The following TAOK3 variants were observed in gnomAD, a reference collection of about 807,000 sequenced individuals.
The protein encoded by TAOK3 is serine/threonine-protein kinase TAO3.
In TAOK3, 40 loss-of-function variants were observed where a neutral mutation model predicts 120.4. The ratio of observed to expected loss-of-function variants is 0.33; its 90% confidence interval spans 0.26 to 0.43. The LOEUF (loss-of-function observed/expected upper bound fraction) is 0.43. Among genes scored for constraint, TAOK3 ranks in the 20% least tolerant of loss-of-function variants. The pLI is 1.00. For missense variants in TAOK3, 821 were observed against 1,112.1 expected, an observed-to-expected ratio of 0.74 and a Z score of 3.72; for synonymous variants, 355 against 387.5, an observed-to-expected ratio of 0.92 and a Z score of 0.99.
At position 118,150,898 on chromosome 12, in the gene TAOK3, G is replaced by A; in HGVS notation, c.*99C>T. On this transcript the variant is annotated 3_prime_UTR_variant, in exon 21 of 21. Coordinates refer to ENST00000392533, the MANE Select transcript of TAOK3 (RefSeq NM_016281.4). ...AGAGTAAGAGAGAGAGAGAGTGAGA[G>A]CAACGCCCGTTAAAATGGGGAATGT... 1.7e-6 allele frequency: 2 copies of A among 1,191,970 alleles called. No individual in the cohort carries two copies. Among genetic ancestry groups the A allele is most frequent in the Non-Finnish European group, 2.3e-6 (2 of 861,480 alleles). The allele number at this position is 1,191,970 out of a possible 1,614,324, so 73.8% of individuals were successfully genotyped here.
intron 3 of TAOK3, among the ~76,000 whole-genome samples, chr12:118,250,704 C>A (rs1415886314): frequency 5.9e-5 from 9 of 152,018 alleles, no homozygotes; most frequent in African/African-American, 9.7e-5. Context: ...GGAGGATAGA[C>A]AATAACAAAA....
At chr12:118,340,417 C>T (rs760390390) in intron 1 of TAOK3, among the ~76,000 whole-genome samples, 1 of 152,086 alleles carries the variant, frequency 6.6e-6, no homozygotes, top group Non-Finnish European at 1.5e-5. Flanking sequence ...GCTCTTTTCT[C>T]ACAGCAGAGA....
chr12:118,205,860 C>G lies in TAOK3; in HGVS notation c.820-4397G>C, dbSNP rs138892222. ...TCCTGACCTTAGGTGATCCACCCAC[C>G]TCAGCCTCCCAAAGTGCTGGGATTA... On this transcript the variant is annotated intron_variant, in intron 11 of 20. Transcript: ENST00000392533. Among the ~76,000 whole-genome samples the G allele has an allele frequency of 1.8e-3, 271 of 152,196 alleles. 1 individual carries two copies. Among genetic ancestry groups the G allele is most frequent in the Middle Eastern group, 0.014 (4 of 290 alleles).
intron 14 of TAOK3, 31 bp downstream of exon 14, chr12:118,189,767 GGGGAAGGAA>G: frequency 2.5e-6 from 4 of 1,611,740 alleles, no homozygotes; most frequent in Non-Finnish European, 3.4e-6. Context: ...ATGGGGAGGA[GGGGAAGGAA>G]GGGAAGGTGG....
At chr12:118,189,529 GACACAGACACACAC>G (rs1443981293) in intron 14 of TAOK3, among the ~76,000 whole-genome samples, 11 of 83,336 alleles carry the variant, frequency 1.3e-4, no homozygotes, top group African/African-American at 4.1e-4. Flanking sequence ...AACACACACA[GACACAGACACACAC>G]ACACACACAC....
At chr12:118,332,603 T>C (rs1293722136) in intron 1 of TAOK3, among the ~76,000 whole-genome samples, 1 of 152,210 alleles carries the variant, frequency 6.6e-6, no homozygotes, top group Non-Finnish European at 1.5e-5. Flanking sequence ...CTGCATTCTT[T>C]CCTTAGGATA....
intron 1 of TAOK3, among the ~76,000 whole-genome samples, chr12:118,292,637 G>A (rs902863908): frequency 6.6e-6 from 1 of 152,168 alleles, no homozygotes; most frequent in Non-Finnish European, 1.5e-5. Context: ...CTAATCTCAA[G>A]CCCAGTCTTT....
intron 1 of TAOK3, among the ~76,000 whole-genome samples, chr12:118,317,993 A>G (rs919754960): frequency 2.0e-5 from 3 of 152,136 alleles, no homozygotes; most frequent in African/African-American, 7.2e-5. Flanking sequence ...GATTTTCAAC[A>G]AGGGTGCCAA....
intron 19 of TAOK3, among the ~76,000 whole-genome samples, chr12:118,159,568 T>A (rs2035081894): frequency 6.6e-6 from 1 of 152,214 alleles, no homozygotes; most frequent in Non-Finnish European, 1.5e-5. Flanking sequence ...CCCAAAATGC[T>A]GGGATTACAG....
chr12:118,226,977 C>G (rs2039539735), intron 9 of TAOK3, among the ~76,000 whole-genome samples: 1 of 151,852 alleles, frequency 6.6e-6, no homozygotes, highest in Non-Finnish European at 1.5e-5. Context: ...GATCTTGAAT[C>G]ATCATAAAAG....
intron 1 of TAOK3, among the ~76,000 whole-genome samples, chr12:118,331,774 G>T (rs1311505320): frequency 6.7e-6 from 1 of 149,120 alleles, no homozygotes; most frequent in Non-Finnish European, 1.5e-5. Context: ...ATAAATAAAA[G>T]CATTTTGAAA....
At chr12:118,288,437 C>T (rs1025085382) in intron 1 of TAOK3, among the ~76,000 whole-genome samples, 23 of 152,078 alleles carry the variant, frequency 1.5e-4, no homozygotes, top group Non-Finnish European at 1.5e-5. Flanking sequence ...CCCATATGGG[C>T]TCACAGTGGG....
chr12:118,233,687 A>C lies in TAOK3; in HGVS notation c.630T>G (p.Thr210=), dbSNP rs1186849056. The C allele has an allele frequency of 1.2e-6, 2 of 1,608,852 alleles. No homozygotes were observed. Among genetic ancestry groups the C allele is most frequent in the Non-Finnish European group, 1.7e-6 (2 of 1,176,760 alleles). ...GKVDIWSLGI[T]CIELAERKPP... ...CTCTTTACTCACCCAATTCAATACA[A>C]GTGATGCCAAGTGACCAAATATCAA... The change falls in exon 9 of 21, where the codon ACT becomes ACG. Residue 210 remains threonine, a synonymous_variant. Coordinates refer to ENST00000392533, the MANE Select transcript of TAOK3 (RefSeq NM_016281.4).
At chr12:118,324,818 C>T (rs1159942497) in intron 1 of TAOK3, among the ~76,000 whole-genome samples, 2 of 141,328 alleles carry the variant, frequency 1.4e-5, no homozygotes, top group Admixed American at 7.6e-5. Flanking sequence ...GATCTCGGCT[C>T]ACTGCAATTT....
intron 1 of TAOK3, among the ~76,000 whole-genome samples, chr12:118,351,616 A>G (rs1248395641): frequency 2.0e-5 from 3 of 152,162 alleles, no homozygotes; most frequent in Non-Finnish European, 4.4e-5. Context: ...GAAAGTATAT[A>G]TTATTTAAAA....
chr12:118,309,064 C>CA (rs2043165441), intron 1 of TAOK3, among the ~76,000 whole-genome samples: 1 of 151,422 alleles, frequency 6.6e-6, no homozygotes, highest in Non-Finnish European at 1.5e-5. Flanking sequence ...CACGGTGGCT[C>CA]ACGCCTGTAA....
intron 3 of TAOK3, among the ~76,000 whole-genome samples, chr12:118,247,808 C>A (rs3852531): frequency 6.6e-6 from 1 of 152,156 alleles, no homozygotes; most frequent in Admixed American, 6.5e-5. Flanking sequence ...AGCTACTGCT[C>A]CCAGCCTCAA....
At chr12:118,271,132 A>T (rs1339811856) in intron 1 of TAOK3, among the ~76,000 whole-genome samples, 1 of 152,138 alleles carries the variant, frequency 6.6e-6, no homozygotes, top group Non-Finnish European at 1.5e-5. Context: ...CTGATATTTT[A>T]AAAAATAAAA....
chr12:118,289,642 C>T (rs1413995414), intron 1 of TAOK3, among the ~76,000 whole-genome samples: 1 of 152,114 alleles, frequency 6.6e-6, no homozygotes, highest in Non-Finnish European at 1.5e-5. Flanking sequence ...AAGTACTTCC[C>T]TGTTTAGATA....
Sources: allele counts gnomAD v4.1 joint callset (sites outside exome capture counted in the v4.1 genomes callset), GRCh38; gene constraint gnomAD v4.1.1; transcripts MANE v1.5; gene names NCBI Gene and HGNC (gene_info 2026-07-23, HGNC 2026-07-21).